The following PCLO variants were observed in gnomAD, a reference collection of about 807,000 sequenced individuals.
PCLO encodes piccolo presynaptic cytomatrix protein.
Under a neutral mutation model 427.5 loss-of-function variants are expected in PCLO, and 82 were observed. The observed-to-expected ratio is 0.19, with a 90% confidence interval of 0.16 to 0.23. The LOEUF (loss-of-function observed/expected upper bound fraction) is 0.23, where lower values mean the gene tolerates loss of function less well. Ranked by LOEUF, PCLO falls within the 10% of genes least tolerant of loss-of-function variation. The pLI is 1.00. For missense variants in PCLO, 6,239 were observed against 6,115.9 expected (o/e 1.02, Z -0.67); for synonymous variants, 2,357 against 2,155.4 (o/e 1.09, Z -2.59).
intron 3 of PCLO, among the ~76,000 whole-genome samples, chr7:83,014,618 A>T (rs1301344555): frequency 2.6e-5 from 4 of 152,026 alleles, no homozygotes; most frequent in Non-Finnish European, 4.4e-5. Context: ...AAAAAATCAC[A>T]AAGTCACAAA....
Position 82,951,041 on chromosome 7 carries a change from T to C in PCLO, c.9547A>G (p.Thr3183Ala). ...LTAETIDSVP[T>A]LTTASEVFPE... ...AACACTTCGGATGCTGTGGTTAAAG[T>C]GGGAACAGAGTCTATCGTCTCAGCA... The change falls in exon 6 of 25, where the codon ACT becomes GCT. Residue 3183 changes from threonine (T) to alanine (A), a missense_variant. By Grantham distance (58) the Thr-to-Ala change is moderately conservative. This residue lies in a region of PCLO where 4,677 missense variants were observed against 4,468.4 expected (regional missense o/e 1.05). Transcript: ENST00000333891. 2 of 1,613,888 alleles carry C rather than the reference T, an allele frequency of 1.2e-6. No individual in the cohort carries two copies. The highest frequency in any genetic ancestry group is 1.1e-5 in the South Asian group (1 of 91,082).
At chr7:82,886,626 C>T (rs7810801) in intron 9 of PCLO, among the ~76,000 whole-genome samples, 67,407 of 151,916 alleles carry the variant, frequency 0.44, 16,188 homozygotes, top group African/African-American at 0.64. Flanking sequence ...AATTTGCCTT[C>T]GGTGAAGGAG....
At chr7:82,864,365 G>A (rs1166212184) in intron 10 of PCLO, among the ~76,000 whole-genome samples, 1 of 152,002 alleles carries the variant, frequency 6.6e-6, no homozygotes, top group African/African-American at 2.4e-5. Flanking sequence ...GCTCACAGAA[G>A]GCAAATAACA....
intron 22 of PCLO, among the ~76,000 whole-genome samples, chr7:82,766,929 A>C (rs751213487): frequency 6.6e-6 from 1 of 152,148 alleles, no homozygotes; most frequent in Non-Finnish European, 1.5e-5. Context: ...CTACTAAAGG[A>C]AGAAAGGACG....
At chr7:82,839,623 C>G (rs1001146410) in intron 14 of PCLO, among the ~76,000 whole-genome samples, 1 of 152,046 alleles carries the variant, frequency 6.6e-6, no homozygotes, top group Non-Finnish European at 1.5e-5. Context: ...AAACACTTCC[C>G]CATTCTCTCC....
In PCLO at chr7:83,009,695, C is replaced by G. The variant is rs1288580510; in HGVS notation, c.3301-43208G>C. The stretch of plus-strand genomic sequence containing the variant: ...AAATAATATAAATTTAAAATAAATA[C>G]TTATTTCTTAGGTAAAGATTTAAAT... On this transcript the variant is annotated intron_variant, in intron 3 of 24. Coordinates refer to ENST00000333891, the MANE Select transcript of PCLO (RefSeq NM_033026.6). 4.6e-5 allele frequency among the ~76,000 whole-genome samples: 7 copies of G among 151,614 alleles called. No homozygotes were observed. In the East Asian group the frequency reaches 1.4e-3, roughly 29 times the overall value.
In PCLO at chr7:82,829,167, G is replaced by A. The variant is rs115945318; in HGVS notation, c.14250-1201C>T. 9.2e-3 allele frequency among the ~76,000 whole-genome samples: 1,408 copies of A among 152,220 alleles called. 30 individuals carry two copies. The highest frequency in any genetic ancestry group is 0.032 in the African/African-American group (1,325 of 41,548). On this transcript the variant is annotated intron_variant, in intron 16 of 24. Coordinates refer to ENST00000333891, the MANE Select transcript of PCLO (RefSeq NM_033026.6). ...ACCACTCACTTTTAAAGATGGGCCTGCAGGCAAGTACTTTCCCTGTATCTC... is the reference window on the plus strand; with the variant it reads ...ACCACTCACTTTTAAAGATGGGCCTACAGGCAAGTACTTTCCCTGTATCTC...
In PCLO at chr7:82,952,802, T is replaced by C; in HGVS notation, c.8151A>G (p.Glu2717=). 1 of 1,613,694 alleles carries C rather than the reference T, an allele frequency of 6.2e-7. No homozygotes were observed. The highest frequency in any genetic ancestry group is 8.5e-7 in the Non-Finnish European group (1 of 1,179,732). ...NIHLEKPQYK[E]DGKLQLVGDV... Reference sequence around the variant, plus strand: ...CACCAACAAGTTGCAATTTTCCATCTTCTTTATACTGAGGCTTCTCTAAAT... The same window carrying C: ...CACCAACAAGTTGCAATTTTCCATCCTCTTTATACTGAGGCTTCTCTAAAT... Residue 2717 remains glutamate (E), a synonymous_variant, in exon 5 of 25, where the codon GAA becomes GAG. Transcript: ENST00000333891.
chr7:83,019,291 G>A (rs937562407), intron 3 of PCLO, among the ~76,000 whole-genome samples: 1 of 151,900 alleles, frequency 6.6e-6, no homozygotes, highest in African/African-American at 2.4e-5. Context: ...GCGGGGTAGA[G>A]TAAGGCAGGA....
rs754802126 is a variant in PCLO, at chr7:82,951,973, T to G, written c.8980A>C (p.Met2994Leu). Residue 2994 changes from methionine to leucine, a missense_variant, in exon 5 of 25, where the codon ATG (methionine) becomes CTG (leucine). Around this residue, in one of 5 missense-constraint regions of PCLO, gnomAD observed 4,677 missense variants for 4,468.4 expected, o/e 1.05. Coordinates refer to ENST00000333891, the MANE Select transcript of PCLO (RefSeq NM_033026.6). ...YRGIGGMKPS[M>L]SDTNLAEAGH... ...GCTTCTGCTAAATTTGTGTCAGACA[T>G]GGAAGGCTTCATTCCCCCAATCCCT... 1 of 1,613,920 alleles carries G rather than the reference T, an allele frequency of 6.2e-7. No individual in the cohort carries two copies. The highest frequency in any genetic ancestry group is 1.1e-5 in the South Asian group (1 of 91,086).
intron 3 of PCLO, among the ~76,000 whole-genome samples, chr7:83,108,612 T>A (rs1192342984): frequency 6.6e-6 from 1 of 152,090 alleles, no homozygotes; most frequent in Non-Finnish European, 1.5e-5. Context: ...AACTCCATCC[T>A]TAGTTTTTAA....
At chr7:83,099,553 T>A (rs1790683919) in intron 3 of PCLO, among the ~76,000 whole-genome samples, 1 of 151,768 alleles carries the variant, frequency 6.6e-6, no homozygotes, top group African/African-American at 2.4e-5. Flanking sequence ...CATGCCCAGC[T>A]CATTTTTTTG....
rs1434724504 is a variant in PCLO, at chr7:82,975,078, G to T, written c.3301-8591C>A. Among the ~76,000 whole-genome samples the T allele has an allele frequency of 9.2e-5, 14 of 152,102 alleles. No individual in the cohort carries two copies. The East Asian group carries it at 2.7e-3, about 29-fold the overall frequency. ...AGGCGTGAGCCACCGTGCCCAGCAG[G>T]TATATCTTTATTATAAAATCTGTAT... On this transcript the variant is annotated intron_variant, in intron 3 of 24. Coordinates refer to ENST00000333891, the MANE Select transcript of PCLO (RefSeq NM_033026.6).
At chr7:83,001,846 G>A (rs1046598289) in intron 3 of PCLO, among the ~76,000 whole-genome samples, 5 of 151,988 alleles carry the variant, frequency 3.3e-5, no homozygotes, top group Admixed American at 1.3e-4. Flanking sequence ...CTCAGCCTCT[G>A]CTTGCGCTGT....
chr7:83,088,073 C>T (rs1323781686), intron 3 of PCLO, among the ~76,000 whole-genome samples: 1 of 152,116 alleles, frequency 6.6e-6, no homozygotes, highest in African/African-American at 2.4e-5. Context: ...TAAATGTACA[C>T]AATAAGCAAT....
intron 22 of PCLO, among the ~76,000 whole-genome samples, chr7:82,796,195 T>TA (rs1439480563): frequency 6.6e-6 from 1 of 152,172 alleles, no homozygotes; most frequent in African/African-American, 2.4e-5. Flanking sequence ...CACAGATTTT[T>TA]AAAAAATATT....
chr7:82,901,243 T>C (rs2116185408), intron 9 of PCLO, among the ~76,000 whole-genome samples: 1 of 152,060 alleles, frequency 6.6e-6, no homozygotes, highest in East Asian at 1.9e-4. Context: ...CTTATTTTTT[T>C]ACATTTCTCA....
chr7:82,933,332 C>A (rs890050320), intron 6 of PCLO, among the ~76,000 whole-genome samples: 5 of 151,984 alleles, frequency 3.3e-5, no homozygotes, highest in African/African-American at 1.2e-4. Context: ...TGAAGTATAA[C>A]CTGAGGTTTT....
rs371916901 is a variant in PCLO at position 82,954,201 on chromosome 7, G to A, written c.6752C>T (p.Ala2251Val). Residue 2251 changes from alanine (A) to valine (V), a missense_variant, in exon 5 of 25, where the codon GCC (alanine) becomes GTC (valine). By Grantham distance (64) the Ala-to-Val change is moderately conservative. This residue lies in a region of PCLO where 4,677 missense variants were observed against 4,468.4 expected (regional missense o/e 1.05). Coordinates refer to ENST00000333891, the MANE Select transcript of PCLO (RefSeq NM_033026.6). ...AGCACTAGCTCTACCATCTGGTGGG[G>A]CAGTCCGATCTAAAGATACACTTAT... ...EEISVSLDRT[A>V]PPDGRASADH... 3.1e-6 allele frequency: 5 copies of A among 1,613,258 alleles called. No individual in the cohort carries two copies. The African/African-American group carries it at 4.0e-5, about 13-fold the overall frequency.
Sources: allele counts gnomAD v4.1 joint callset (sites outside exome capture counted in the v4.1 genomes callset), GRCh38; gene constraint gnomAD v4.1.1; regional missense constraint gnomAD v4.1.1; transcripts MANE v1.5; gene names NCBI Gene and HGNC (gene_info 2026-07-23, HGNC 2026-07-21).